The following AGRN variants were observed in gnomAD, a reference collection of about 807,000 sequenced individuals.
AGRN encodes agrin proteoglycan.
A neutral mutation model predicts 211.0 loss-of-function variants in AGRN; 106 were observed. The observed-to-expected ratio is 0.50, with a 90% CI of 0.43 to 0.59. AGRN has a LOEUF of 0.59. Among genes scored for constraint, AGRN ranks in the 20% least tolerant of loss-of-function variants. The pLI is 0.00. For synonymous variants in AGRN, 1,525 were observed against 1,332.5 expected (o/e 1.14, Z -3.15); for missense variants, 3,040 against 2,982.6 (o/e 1.02, Z -0.45).
Position 1,048,088 on chromosome 1 carries a change from A to T in AGRN, c.3828A>T (p.Ala1276=). The change falls in exon 23 of 36, where the codon GCA becomes GCT. Residue 1276 remains alanine (A), a synonymous_variant. Coordinates refer to ENST00000379370, the MANE Select transcript of AGRN (RefSeq NM_198576.4). This position sits in a 1 kb window ranked among gnomAD's most constrained non-coding sequence, Gnocchi z 5.9. ...GAGCCACGGCCAGAGCCACCACTGC[A>T]TCGCGCCTGCCGTCCTCTGCTGTGA... ...AAGATARATT[A]SRLPSSAVTP... The T allele has an allele frequency of 6.3e-7, 1 of 1,576,716 alleles. No individual in the cohort carries two copies. The highest frequency in any genetic ancestry group is 8.6e-7 in the Non-Finnish European group (1 of 1,168,852).
intron 1 of AGRN, among the ~76,000 whole-genome samples, chr1:1,020,838 G>T (rs1644382592): frequency 7.2e-6 from 1 of 138,270 alleles, no homozygotes; most frequent in Non-Finnish European, 1.6e-5. Context: ...GGGGGGTGCC[G>T]CAGTGGTGCG....
Position 1,041,385 on chromosome 1 carries a change from G to C in AGRN, c.940G>C (p.Asp314His), listed in dbSNP as rs756357739. Reference sequence around the variant, plus strand: ...CCAGGAGAATGTCTTCAAGAAGTTCGACGGCCCTTGTGGTGAGCGCGGCGG... The same window carrying C: ...CCAGGAGAATGTCTTCAAGAAGTTCCACGGCCCTTGTGGTGAGCGCGGCGG... ...ARQENVFKKF[D>H]GPCDPCQGAL... The change falls in exon 5 of 36, where the codon GAC (aspartate) becomes CAC (histidine). Residue 314 changes from aspartate to histidine, a missense_variant. By Grantham distance (81) the Asp-to-His change is moderately conservative (BLOSUM62 -1). Around this residue, in one of 3 missense-constraint regions of AGRN, gnomAD observed 1,498 missense variants for 1,457.8 expected, o/e 1.03. Coordinates refer to ENST00000379370, the MANE Select transcript of AGRN (RefSeq NM_198576.4). 1.9e-6 allele frequency: 3 copies of C among 1,541,964 alleles called. No individual in the cohort carries two copies. Among genetic ancestry groups the C allele is most frequent in the South Asian group, 1.2e-5 (1 of 84,814 alleles).
chr1:1,050,309 C>G lies in AGRN; in HGVS notation c.4956C>G (p.His1652Gln). Residue 1652 changes from histidine to glutamine, a missense_variant, in exon 28 of 36, where the codon CAC becomes CAG. Coordinates refer to ENST00000379370, the MANE Select transcript of AGRN (RefSeq NM_198576.4). The stretch of plus-strand genomic sequence containing the variant: ...CCCACCTGGAGCTGAGAGGCCTGCA[C>G]ACCTTTGCACGGGACCTGGGGTCGG... ...GFSHLELRGLHTFARDLGEKM... is the reference protein window; with the variant it reads ...GFSHLELRGLQTFARDLGEKM... The G allele has an allele frequency of 1.2e-6, 2 of 1,612,988 alleles. No individual in the cohort carries two copies. Among genetic ancestry groups the G allele is most frequent in the Non-Finnish European group, 1.7e-6 (2 of 1,179,922 alleles).
intron 12 of AGRN, 38 bp downstream of exon 12, chr1:1,044,477 G>A (rs764992906): frequency 6.4e-7 from 1 of 1,567,836 alleles, no homozygotes; most frequent in Non-Finnish European, 8.6e-7. Context: ...GCACAGGCGG[G>A]GCGGCGTCTG....
Position 1,035,344 on chromosome 1 carries a change from G to C in AGRN, c.511+20G>C. 1 of 1,613,010 alleles carries C rather than the reference G, an allele frequency of 6.2e-7. No individual in the cohort carries two copies. Among genetic ancestry groups the C allele is most frequent in the South Asian group, 1.1e-5 (1 of 91,090 alleles). ...CTGATGGTGAGTAGGGCTGAGTTCG[G>C]GGGACCTGGATGGGCTGTGGCACTC... On this transcript the variant is annotated intron_variant, in intron 3 of 35. Transcript: ENST00000379370.
At chr1:1,023,542 T>A (rs1644456052) in intron 2 of AGRN, among the ~76,000 whole-genome samples, 1 of 151,630 alleles carries the variant, frequency 6.6e-6, no homozygotes, top group Non-Finnish European at 1.5e-5. Context: ...GGGGAAAAGA[T>A]GGGGGCATCG....
chr1:1,036,255 G>A (rs1045383420), intron 3 of AGRN, among the ~76,000 whole-genome samples: 2 of 152,188 alleles, frequency 1.3e-5, no homozygotes, highest in African/African-American at 4.8e-5. Context: ...GGGAGTGGGG[G>A]ATGATGGCTG....
rs746098476 is a variant in AGRN at position 1,041,252 on chromosome 1, G to T, written c.807G>T (p.Ser269=). The stretch of plus-strand genomic sequence containing the variant: ...GCTCGGCCGACGGGCTGACGGCCTC[G>T]TGCCTGTGCCCCGCGACCTGCCGTG... ...CARSADGLTA[S]CLCPATCRGA... is the part of the protein sequence containing the mutation. The change falls in exon 5 of 36, where the codon TCG becomes TCT. Residue 269 remains serine, a synonymous_variant. Coordinates refer to ENST00000379370, the MANE Select transcript of AGRN (RefSeq NM_198576.4). The T allele has an allele frequency of 6.7e-7, 1 of 1,497,014 alleles. No individual in the cohort carries two copies. Among genetic ancestry groups the T allele is most frequent in the Non-Finnish European group, 8.9e-7 (1 of 1,129,202 alleles). 92.7% of individuals were successfully genotyped at this position (1,497,014 alleles called of 1,614,324 possible).
intron 2 of AGRN, among the ~76,000 whole-genome samples, chr1:1,022,842 C>T (rs140983151): frequency 1.4e-4 from 22 of 152,370 alleles, no homozygotes; most frequent in East Asian, 1.2e-3. Context: ...TAGACGGGCC[C>T]GCGTGTCGAG....
chr1:1,035,174 G>C (rs1163560335), intron 2 of AGRN, 103 bp from the exon 3 acceptor site: 19 of 1,249,122 alleles, frequency 1.5e-5, no homozygotes, highest in Admixed American at 7.0e-5. Flanking sequence ...AGCGGTGGGG[G>C]GGGGGGGGTG....
intron 2 of AGRN, 128 bp downstream of exon 2, chr1:1,022,590 T>TAGTCTGACCTGTGGTCTGACTGA: frequency 1.3e-6 from 1 of 743,218 alleles, no homozygotes; most frequent in Non-Finnish European, 2.2e-6. Flanking sequence ...CGGTGTCTTG[T>TAGTCTGACCTGTGGTCTGACTGA]GGTCCAACCT....
At chr1:1,038,315 C>T (rs936982616) in intron 3 of AGRN, among the ~76,000 whole-genome samples, 7 of 152,198 alleles carry the variant, frequency 4.6e-5, no homozygotes, top group Non-Finnish European at 8.8e-5. Flanking sequence ...GCTTCAAGGT[C>T]CCGCCAGGTA....
intron 4 of AGRN, 79 bp downstream of exon 4, chr1:1,040,959 G>T: frequency 3.3e-6 from 2 of 615,134 alleles, no homozygotes; most frequent in Non-Finnish European, 2.2e-6. Context: ...GGGGCTTCGG[G>T]GCCAGTGGGG....
intron 33 of AGRN, chr1:1,053,330 G>A (rs371762129): frequency 1.6e-5 from 13 of 791,680 alleles, no homozygotes; most frequent in African/African-American, 1.3e-4. Flanking sequence ...TTTGGTGGGC[G>A]GCCAGTGATC....
At chr1:1,027,658 G>T (rs1325505614) in intron 2 of AGRN, among the ~76,000 whole-genome samples, 2 of 152,220 alleles carry the variant, frequency 1.3e-5, no homozygotes, top group Non-Finnish European at 2.9e-5. Flanking sequence ...GAGGACAGGA[G>T]AGGGTCCTGG....
In AGRN at chr1:1,046,924, C is replaced by A; in HGVS notation, c.3355C>A (p.Pro1119Thr). ...GGGCTGCTGCTCTGATGGGAAGACGCCCTCGCTGGACGCAGAGGGCTCCAA... is the reference window on the plus strand; with the variant it reads ...GGGCTGCTGCTCTGATGGGAAGACGACCTCGCTGGACGCAGAGGGCTCCAA... The part of the protein sequence containing the change: ...ALGCCSDGKT[P>T]SLDAEGSNCP... The change falls in exon 19 of 36, where the codon CCC (proline) becomes ACC (threonine). Residue 1119 changes from proline to threonine, a missense_variant. Transcript: ENST00000379370. 1.3e-6 allele frequency: 2 copies of A among 1,579,502 alleles called. No homozygotes were observed. Among genetic ancestry groups the A allele is most frequent in the Non-Finnish European group, 1.7e-6 (2 of 1,163,580 alleles).
Position 1,046,551 on chromosome 1 carries a change from A to G in AGRN, c.3066A>G (p.Ser1022=), listed in dbSNP as rs2465128. 0.89 allele frequency: 1,437,262 copies of G among 1,610,386 alleles called. 647,914 individuals carry two copies. Among genetic ancestry groups the G allele is most frequent in the East Asian group, 0.97 (43,336 of 44,830 alleles). The change falls in exon 18 of 36, where the codon TCA becomes TCG. Residue 1022 remains serine, a synonymous_variant. Coordinates refer to ENST00000379370, the MANE Select transcript of AGRN (RefSeq NM_198576.4). ...GCCAGACCACCCCTCCGCCCTCATC[A>G]CGACCTCGGACCACTGCCAGCGTCC... is the stretch of plus-strand genomic sequence containing the variant. ...AHSQTTPPPS[S]RPRTTASVPR... is the part of the protein sequence containing the mutation.
Position 1,055,168 on chromosome 1 carries a change from A to G in AGRN, c.*187A>G. The G allele has an allele frequency of 1.0e-6, 1 of 960,314 alleles. No individual in the cohort carries two copies. Among genetic ancestry groups the G allele is most frequent in the Non-Finnish European group, 1.6e-6 (1 of 642,198 alleles). The allele number at this position is 960,314 out of a possible 1,614,324, so 59.5% of individuals were successfully genotyped here. On this transcript the variant is annotated 3_prime_UTR_variant, in exon 36 of 36. Coordinates refer to ENST00000379370, the MANE Select transcript of AGRN (RefSeq NM_198576.4). ...ATGGACAGGCGAGGTGGCAGCGTGG[A>G]GGGCTCGGCGTGGATGGCAGCCTCA...
chr1:1,041,420 G>A, intron 5 of AGRN, 23 bp downstream of exon 5: 10 of 1,545,208 alleles, frequency 6.5e-6, no homozygotes, highest in Non-Finnish European at 8.7e-6. Flanking sequence ...GCGGGCGCAC[G>A]GCTCGAGCTC....
Sources: gnomAD v4.1 joint callset for allele counts (sites outside exome capture counted in the v4.1 genomes callset) on GRCh38, gnomAD v4.1.1 for gene constraint, gnomAD v4.1.1 regional missense constraint, Gnocchi (gnomAD v3.1) non-coding constraint, MANE v1.5 for transcripts, NCBI Gene and HGNC (gene_info 2026-07-23, HGNC 2026-07-21) for gene names.